The following HHAT variants were observed in gnomAD, a reference collection of about 807,000 sequenced individuals.
HHAT encodes the protein hedgehog acyltransferase, also known as protein-cysteine N-palmitoyltransferase HHAT.
A neutral mutation model predicts 70.8 loss-of-function variants in HHAT; 47 were observed. The ratio of observed to expected loss-of-function variants is 0.66; its 90% CI spans 0.53 to 0.85. HHAT has a LOEUF of 0.85. HHAT is among the 40% of genes least tolerant of loss of function. HHAT has a pLI of 0.00. For missense variants in HHAT, 609 were observed against 604.8 expected, an observed-to-expected ratio of 1.01 and a Z score of -0.07; for synonymous variants, 228 against 247.6, an observed-to-expected ratio of 0.92 and a Z score of 0.74.
At chr1:210,450,027 G>A (rs1212306214) in intron 7 of HHAT, among the ~76,000 whole-genome samples, 2 of 152,100 alleles carry the variant, frequency 1.3e-5, no homozygotes, top group South Asian at 2.1e-4. Flanking sequence ...TGGCGTGGTG[G>A]CTCACCCCTG....
intron 8 of HHAT, among the ~76,000 whole-genome samples, chr1:210,507,323 T>C (rs1029796115): frequency 6.6e-6 from 1 of 152,122 alleles, no homozygotes; most frequent in Non-Finnish European, 1.5e-5. Context: ...TTTTTCCATC[T>C]GTATACAAAA....
At position 210,599,672 on chromosome 1, in the gene HHAT, C is replaced by T. The variant is rs1487599382; in HGVS notation, c.1245+11573C>T. Among the ~76,000 whole-genome samples, 3 of 152,160 alleles carry T rather than the reference C, an allele frequency of 2.0e-5. 1 individual carries two copies. The highest frequency in any genetic ancestry group is 1.9e-4 in the East Asian group (1 of 5,198). On this transcript the variant is annotated intron_variant, in intron 10 of 11. Transcript: ENST00000261458. ...TACTGAAATCCTAATCCAAGCTGCT[C>T]TCATTTCTTTCCTGGTCTACCAAAT...
chr1:210,539,549 C>T (rs75714838), intron 9 of HHAT, among the ~76,000 whole-genome samples: 719 of 152,208 alleles, frequency 4.7e-3, no homozygotes, highest in African/African-American at 0.016. Flanking sequence ...ATGAGGTGGG[C>T]CAGCTAGATT....
intron 7 of HHAT, among the ~76,000 whole-genome samples, chr1:210,428,064 T>C (rs1331897306): frequency 6.6e-6 from 1 of 151,774 alleles, no homozygotes; most frequent in Non-Finnish European, 1.5e-5. Flanking sequence ...ATTGTCTTTT[T>C]TGAACTTCGT....
At chr1:210,508,353 A>G (rs1160655119) in intron 8 of HHAT, among the ~76,000 whole-genome samples, 1 of 152,204 alleles carries the variant, frequency 6.6e-6, no homozygotes, top group Non-Finnish European at 1.5e-5. Flanking sequence ...ACATGGAACT[A>G]GACCTCTGGT....
intron 6 of HHAT, among the ~76,000 whole-genome samples, chr1:210,409,075 A>G (rs1016611653): frequency 7.2e-5 from 11 of 152,160 alleles, no homozygotes; most frequent in African/African-American, 2.7e-4. Context: ...TATGTTGCCC[A>G]GGCTGGTCTC....
At chr1:210,648,498 T>C (rs1674514655) in intron 11 of HHAT, among the ~76,000 whole-genome samples, 2 of 152,226 alleles carry the variant, frequency 1.3e-5, no homozygotes, top group African/African-American at 4.8e-5. Flanking sequence ...CTTTGCAGTA[T>C]TTGTTTCTTC....
chr1:210,572,753 T>C (rs12085489), intron 9 of HHAT, among the ~76,000 whole-genome samples: 63,314 of 151,338 alleles, frequency 0.42, 14,383 homozygotes, highest in East Asian at 0.7. Context: ...AAAATGTAGC[T>C]GGGCATGGTG....
intron 9 of HHAT, among the ~76,000 whole-genome samples, chr1:210,536,620 A>C (rs1292224086): frequency 6.6e-6 from 1 of 152,260 alleles, no homozygotes; most frequent in African/African-American, 2.4e-5. Flanking sequence ...TATGTCTCCT[A>C]ATCAGCAGAA....
At chr1:210,465,475 T>C (rs2094080977) in intron 8 of HHAT, among the ~76,000 whole-genome samples, 1 of 152,210 alleles carries the variant, frequency 6.6e-6, no homozygotes, top group Non-Finnish European at 1.5e-5. Flanking sequence ...GGCACAACCA[T>C]AGGAGTCGGT....
Position 210,649,777 on chromosome 1 carries a change from C to T in HHAT, c.1391-24511C>T, listed in dbSNP as rs536870245. 3.0e-4 allele frequency among the ~76,000 whole-genome samples: 46 copies of T among 152,260 alleles called. 1 individual carries two copies. Among genetic ancestry groups the T allele is most frequent in the East Asian group, 5.8e-4 (3 of 5,184 alleles). On this transcript the variant is annotated intron_variant, in intron 11 of 11. Transcript: ENST00000261458. ...GTCAGCATGACAGAAATCATGCTAC[C>T]GACAGAGCCAACAATGCTGAAGGGG...
At chr1:210,566,186 G>A (rs555331340) in intron 9 of HHAT, among the ~76,000 whole-genome samples, 1 of 152,188 alleles carries the variant, frequency 6.6e-6, no homozygotes, top group Non-Finnish European at 1.5e-5. Context: ...GAAATAGGGT[G>A]GAAAGCCCAG....
intron 7 of HHAT, among the ~76,000 whole-genome samples, chr1:210,421,949 A>C (rs2148288149): frequency 6.6e-6 from 1 of 152,114 alleles, no homozygotes; most frequent in Admixed American, 6.5e-5. Flanking sequence ...GTTTATTTTA[A>C]TGTAGTTGCA....
rs573593881 is a variant in HHAT, at chr1:210,641,748, C to T, written c.1390+18078C>T. On this transcript the variant is annotated intron_variant, in intron 11 of 11. Coordinates refer to ENST00000261458, the MANE Select transcript of HHAT (RefSeq NM_018194.6). ...TAGGGACACACAGCATGCACATACG[C>T]GTACCTCATATATCTACCAGCCACC... Among the ~76,000 whole-genome samples, 3 of 152,274 alleles carry T rather than the reference C, an allele frequency of 2.0e-5. No individual in the cohort carries two copies. In the East Asian group the frequency reaches 5.8e-4, roughly 29 times the overall value.
chr1:210,365,309 GTTT>G (rs4027290), intron 3 of HHAT, among the ~76,000 whole-genome samples: 7 of 78,418 alleles, frequency 8.9e-5, no homozygotes, highest in Non-Finnish European at 1.6e-4. Context: ...ACTGCTGACA[GTTT>G]TTTTTTTTTT....
chr1:210,357,432 C>A (rs924992656), intron 2 of HHAT, among the ~76,000 whole-genome samples: 5 of 152,172 alleles, frequency 3.3e-5, no homozygotes, highest in African/African-American at 1.2e-4. Context: ...ATAGGTCTTG[C>A]TAAGTTCCCC....
At chr1:210,643,232 A>G (rs771938455) in intron 11 of HHAT, among the ~76,000 whole-genome samples, 4 of 152,202 alleles carry the variant, frequency 2.6e-5, no homozygotes, top group East Asian at 1.9e-4. Flanking sequence ...CTTAATCTTC[A>G]TTCTTCAAAA....
chr1:210,338,039 A>G (rs12756099), intron 1 of HHAT, among the ~76,000 whole-genome samples: 2,166 of 152,304 alleles, frequency 0.014, 27 homozygotes, highest in Admixed American at 0.023. Context: ...TACTATACAG[A>G]GTCAACTGAC....
At chr1:210,470,808 G>T (rs1033309682) in intron 8 of HHAT, among the ~76,000 whole-genome samples, 11 of 152,270 alleles carry the variant, frequency 7.2e-5, no homozygotes, top group African/African-American at 2.6e-4. Flanking sequence ...TGAACTGCCT[G>T]GGTTTGAATC....
Sources: gnomAD v4.1 joint callset for allele counts (sites outside exome capture counted in the v4.1 genomes callset) on GRCh38, gnomAD v4.1.1 for gene constraint, MANE v1.5 for transcripts, NCBI Gene and HGNC (gene_info 2026-07-23, HGNC 2026-07-21) for gene names.